The following PDGFC variants were observed in gnomAD, a reference collection of about 807,000 sequenced individuals.
PDGFC encodes the protein platelet-derived growth factor C.
A neutral mutation model predicts 35.5 loss-of-function variants in PDGFC; 12 were observed. The observed-to-expected ratio is 0.34, with a 90% CI of 0.22 to 0.55. The LOEUF (loss-of-function observed/expected upper bound fraction) is 0.55. Among genes scored for constraint, PDGFC ranks in the 20% least tolerant of loss-of-function variants. PDGFC has a pLI of 0.91. For missense variants in PDGFC, 322 were observed against 412.4 expected, an observed-to-expected ratio of 0.78 and a Z score of 1.90; for synonymous variants, 159 against 148.8, an observed-to-expected ratio of 1.07 and a Z score of -0.50.
intron 1 of PDGFC, among the ~76,000 whole-genome samples, chr4:156,930,797 G>A (rs1327382450): frequency 5.3e-5 from 8 of 152,126 alleles, no homozygotes; most frequent in African/African-American, 1.9e-4. Context: ...GAACCAGGAA[G>A]GCCGGAGGTT....
intron 2 of PDGFC, among the ~76,000 whole-genome samples, chr4:156,811,601 A>G (rs1051624474): frequency 1.3e-5 from 2 of 152,098 alleles, no homozygotes; most frequent in Non-Finnish European, 2.9e-5. Flanking sequence ...AACTAACCAT[A>G]TATGTGTATA....
At chr4:156,807,273 T>C (rs1273792761) in intron 3 of PDGFC, among the ~76,000 whole-genome samples, 1 of 152,030 alleles carries the variant, frequency 6.6e-6, no homozygotes, top group Non-Finnish European at 1.5e-5. Context: ...TAACTAGCTA[T>C]AACCTCAAGT....
chr4:156,765,496 T>C (rs1279538125), intron 5 of PDGFC, among the ~76,000 whole-genome samples: 2 of 152,120 alleles, frequency 1.3e-5, no homozygotes, highest in African/African-American at 4.8e-5. Flanking sequence ...AAAATGACCT[T>C]GAACTTTTGA....
chr4:156,898,420 A>C (rs1730686979), intron 1 of PDGFC, among the ~76,000 whole-genome samples: 1 of 152,204 alleles, frequency 6.6e-6, no homozygotes, highest in Non-Finnish European at 1.5e-5. Context: ...AGTGATAGGT[A>C]TTGACAAATG....
chr4:156,928,013 G>A (rs1028039029), intron 1 of PDGFC, among the ~76,000 whole-genome samples: 1 of 152,146 alleles, frequency 6.6e-6, no homozygotes, highest in Non-Finnish European at 1.5e-5. Context: ...CATGGTGGTG[G>A]CAAGAGAAAA....
intron 1 of PDGFC, among the ~76,000 whole-genome samples, chr4:156,900,905 A>AAGGGAGGGAGGGAGAGAGGAAGTG (rs1279618424): frequency 1.2e-4 from 16 of 129,642 alleles, no homozygotes; most frequent in African/African-American, 3.1e-4. Context: ...AGGAGGGAGG[A>AAGGGAGGGAGGGAGAGAGGAAGTG]AGGGAGGGAG....
intron 2 of PDGFC, among the ~76,000 whole-genome samples, chr4:156,826,174 A>AATT (rs1288749370): frequency 4.6e-4 from 20 of 43,772 alleles, no homozygotes; most frequent in African/African-American, 1.5e-3. Context: ...TTTGAGTTGG[A>AATT]TTTTTTTTTT....
intron 1 of PDGFC, among the ~76,000 whole-genome samples, chr4:156,933,288 A>T (rs907600480): frequency 2.6e-5 from 4 of 152,216 alleles, no homozygotes; most frequent in African/African-American, 9.6e-5. Context: ...CTATTTGTAG[A>T]TTCCATATTG....
At chr4:156,868,474 G>A (rs2111134643) in intron 1 of PDGFC, among the ~76,000 whole-genome samples, 1 of 152,264 alleles carries the variant, frequency 6.6e-6, no homozygotes, top group East Asian at 1.9e-4. Context: ...AGTACATCTG[G>A]TAGAAGATCA....
At position 156,934,580 on chromosome 4, in the gene PDGFC, T is replaced by C. The variant is rs895896626; in HGVS notation, c.118+36206A>G. Among the ~76,000 whole-genome samples the C allele has an allele frequency of 1.1e-4, 16 of 152,334 alleles. 1 individual carries two copies. In the Middle Eastern group the frequency reaches 0.01, roughly 97 times the overall value. On this transcript the variant is annotated intron_variant, in intron 1 of 5. Transcript: ENST00000502773. ...TATTTTACTTTCTTACATAATATAC[T>C]AGCCTTAGCTTACTGTAACTTTTTA...
intron 2 of PDGFC, among the ~76,000 whole-genome samples, chr4:156,844,451 T>G (rs964441116): frequency 6.6e-6 from 1 of 151,850 alleles, no homozygotes; most frequent in African/African-American, 2.4e-5. Context: ...ATCCAAAATA[T>G]CCATACAAAC....
intron 3 of PDGFC, among the ~76,000 whole-genome samples, chr4:156,784,073 A>AT (rs1731054147): frequency 6.6e-6 from 1 of 152,256 alleles, no homozygotes; most frequent in South Asian, 2.1e-4. Flanking sequence ...TGACACGCAT[A>AT]TATCCAGCAG....
At chr4:156,785,884 T>A (rs1182701250) in intron 3 of PDGFC, among the ~76,000 whole-genome samples, 1 of 152,288 alleles carries the variant, frequency 6.6e-6, no homozygotes, top group South Asian at 2.1e-4. Flanking sequence ...TCAAGGTCAA[T>A]TGAAAAAATA....
intron 1 of PDGFC, among the ~76,000 whole-genome samples, chr4:156,956,322 G>C (rs1461513409): frequency 6.6e-6 from 1 of 151,968 alleles, no homozygotes; most frequent in African/African-American, 2.4e-5. Flanking sequence ...CTCAAAGTTT[G>C]GTCCTCAGTC....
chr4:156,903,104 A>AGAGTGTGTGTGTGTGT (rs368483475), intron 1 of PDGFC, among the ~76,000 whole-genome samples: 3 of 130,678 alleles, frequency 2.3e-5, no homozygotes, highest in African/African-American at 8.4e-5. Context: ...AGAGAGAGAG[A>AGAGTGTGTGTGTGTGT]GTGTGTGTGT....
At chr4:156,833,483 G>A (rs1198767319) in intron 2 of PDGFC, among the ~76,000 whole-genome samples, 2 of 152,160 alleles carry the variant, frequency 1.3e-5, no homozygotes, top group Non-Finnish European at 2.9e-5. Context: ...TTGGAATGGA[G>A]TTATGTGCTG....
chr4:156,854,072 T>A (rs1729517926), intron 1 of PDGFC, among the ~76,000 whole-genome samples: 1 of 152,224 alleles, frequency 6.6e-6, no homozygotes, highest in Admixed American at 6.5e-5. Flanking sequence ...TTCTCCCTAT[T>A]GTCCAAAGTT....
At chr4:156,824,044 GAA>G (rs1401461272) in intron 2 of PDGFC, among the ~76,000 whole-genome samples, 4 of 151,850 alleles carry the variant, frequency 2.6e-5, no homozygotes, top group Admixed American at 6.6e-5. Context: ...CATAGAAACA[GAA>G]ATTAGAAAGG....
At chr4:156,868,126 A>C (rs1308845090) in intron 1 of PDGFC, among the ~76,000 whole-genome samples, 1 of 152,134 alleles carries the variant, frequency 6.6e-6, no homozygotes, top group African/African-American at 2.4e-5. Context: ...AGACCAAATC[A>C]CTTGATTCAC....
Sources: gnomAD v4.1 joint callset for allele counts (sites outside exome capture counted in the v4.1 genomes callset) on GRCh38, gnomAD v4.1.1 for gene constraint, MANE v1.5 for transcripts, NCBI Gene and HGNC (gene_info 2026-07-23, HGNC 2026-07-21) for gene names.